IL17D: variants seen among roughly 807,000 people sequenced by gnomAD.
The protein encoded by IL17D is interleukin-17D.
Under a neutral mutation model 5.7 loss-of-function variants are expected in IL17D, and 10 were observed. That is an observed-to-expected ratio of 1.75 (90% CI 1.08 to 2.97). IL17D has a LOEUF of 2.97. Ranked by LOEUF, IL17D falls within the 30% of genes most tolerant of loss-of-function variation. The probability of loss-of-function intolerance (pLI) is 0.00; values close to 1 mark genes in which losing one functional copy is unlikely to be tolerated. For missense variants in IL17D, 354 were observed against 292.7 expected, an observed-to-expected ratio of 1.21 and a Z score of -1.53; for synonymous variants, 172 against 141.7, an observed-to-expected ratio of 1.21 and a Z score of -1.52.
At position 20,722,338 on chromosome 13, in the gene IL17D, T is replaced by A. The variant is rs1242675438; in HGVS notation, c.*384T>A. 8 of 210,996 alleles carry A rather than the reference T, an allele frequency of 3.8e-5. No individual in the cohort carries two copies. The highest frequency in any genetic ancestry group is 5.6e-5 in the Non-Finnish European group (6 of 107,628). The allele number at this position is 210,996 out of a possible 1,614,324, so 13.1% of individuals were successfully genotyped here. A position where few individuals can be genotyped will look rare whatever the true frequency, so the allele number is the denominator to read the frequency against. ...AAAGAGATAGGGACGCATATGCTTTTTAAAGCAATCTAAAAATAATAATAA... is the reference window on the plus strand; with the variant it reads ...AAAGAGATAGGGACGCATATGCTTTATAAAGCAATCTAAAAATAATAATAA... On this transcript the variant is annotated 3_prime_UTR_variant, in exon 2 of 2. Transcript: ENST00000682841.
chr13:20,717,002 G>C (rs2058683144), intron 1 of IL17D: 1 of 152,234 alleles, frequency 6.6e-6, no homozygotes, highest in Non-Finnish European at 1.5e-5. Context: ...ATTGTTTTCA[G>C]AGCTCCGGAG....
At chr13:20,710,798 TTTC>T (rs1389940680) in intron 1 of IL17D, among the ~76,000 whole-genome samples, 1 of 152,188 alleles carries the variant, frequency 6.6e-6, no homozygotes, top group Non-Finnish European at 1.5e-5. Flanking sequence ...GCCTTGTTAC[TTTC>T]TTCTTTAACT....
At position 20,710,089 on chromosome 13, in the gene IL17D, A is replaced by C. The variant is rs1260977087; in HGVS notation, c.290+5798A>C. On this transcript the variant is annotated intron_variant, in intron 1 of 1. Transcript: ENST00000682841. ...GTTCCGTCTAGCCCAAGTCCCACCC[A>C]GTGTGCTGTTAGAAAACAACATTCA... Among the ~76,000 whole-genome samples the C allele has an allele frequency of 2.0e-5, 3 of 152,216 alleles. No homozygotes were observed. The East Asian group carries it at 5.8e-4, about 29-fold the overall frequency.
chr13:20,718,547 TCA>T (rs1260988832), intron 1 of IL17D, among the ~76,000 whole-genome samples: 1 of 82,322 alleles, frequency 1.2e-5, no homozygotes, highest in Non-Finnish European at 2.2e-5. Context: ...CCGCCCATGC[TCA>T]CACACCCACA....
At chr13:20,702,666 A>T (rs1292978191), upstream of IL17D, 2 of 152,216 alleles carry the variant, frequency 1.3e-5, no homozygotes, top group African/African-American at 4.8e-5. Flanking sequence ...GCTTGCACTT[A>T]GAACTGAGTT....
In IL17D at chr13:20,709,222, G is replaced by A. The variant is rs373616334; in HGVS notation, c.290+4931G>A. ...AAAGGCATTCTCATCCAAGTACAGG[G>A]GTATGAATCAGCACAGCTTTTATGG... On this transcript the variant is annotated intron_variant, in intron 1 of 1. Transcript: ENST00000682841. Among the ~76,000 whole-genome samples, 153 of 151,694 alleles carry A rather than the reference G, an allele frequency of 1.0e-3. 1 individual carries two copies. In the Middle Eastern group the frequency reaches 0.014, roughly 13 times the overall value.
At chr13:20,703,520 G>A, upstream of IL17D, 3 of 753,482 alleles carry the variant, frequency 4.0e-6, no homozygotes, top group African/African-American at 1.9e-5. Flanking sequence ...TGGGGCGGGC[G>A]GATGACGAGG....
upstream of IL17D, chr13:20,703,386 T>C (rs949763481): frequency 1.0e-6 from 1 of 986,050 alleles, no homozygotes; most frequent in Non-Finnish European, 1.2e-6. Flanking sequence ...AGAGTCGCTC[T>C]GTGTCCGTGA....
intron 1 of IL17D, among the ~76,000 whole-genome samples, chr13:20,709,468 A>G (rs183537572): frequency 1.3e-5 from 2 of 152,234 alleles, no homozygotes; most frequent in African/African-American, 4.8e-5. Context: ...TCTAAAAGTC[A>G]TAAGTGGATC....
At chr13:20,707,670 AC>A (rs2141383234) in intron 1 of IL17D, among the ~76,000 whole-genome samples, 2 of 152,164 alleles carry the variant, frequency 1.3e-5, no homozygotes, top group South Asian at 4.2e-4. Flanking sequence ...ACAGGTGCGC[AC>A]CACCACATGC....
upstream of IL17D, chr13:20,701,806 T>G (rs1308853079): frequency 6.6e-6 from 1 of 152,246 alleles, no homozygotes; most frequent in Non-Finnish European, 1.5e-5. Context: ...CTCACAAATA[T>G]CAAATTTGTT....
Position 20,704,069 on chromosome 13 carries a change from G to A in IL17D, c.68G>A (p.Arg23Lys). 9.1e-7 allele frequency: 1 copy of A among 1,099,500 alleles called. No homozygotes were observed. Among genetic ancestry groups the A allele is most frequent in the African/African-American group, 1.7e-5 (1 of 58,588 alleles). 68.1% of individuals were successfully genotyped at this position (1,099,500 alleles called of 1,614,324 possible). Residue 23 changes from arginine (R) to lysine (K), a missense_variant, in exon 1 of 2, where the codon AGG becomes AAG. Coordinates refer to ENST00000682841, the MANE Select transcript of IL17D (RefSeq NM_001385224.1). ...GCCGCGGGCGCCCCGAGGGCGGGCA[G>A]GCGCCCCGCGCGGCCGCGGGGCTGC... The part of the protein sequence containing the change: ...SWAAGAPRAG[R>K]RPARPRGCAD...
At chr13:20,715,455 T>A (rs1375296509) in intron 1 of IL17D, among the ~76,000 whole-genome samples, 1 of 152,176 alleles carries the variant, frequency 6.6e-6, no homozygotes, top group Non-Finnish European at 1.5e-5. Context: ...CATCCAGTTG[T>A]TTGCCATCAG....
At chr13:20,718,569 C>T (rs1446781917) in intron 1 of IL17D, among the ~76,000 whole-genome samples, 3 of 142,172 alleles carry the variant, frequency 2.1e-5, no homozygotes, top group Non-Finnish European at 4.6e-5. Context: ...ACATACCTGC[C>T]CATGCTCACA....
chr13:20,703,586 G>C (rs1038420129), upstream of IL17D: 1 of 237,502 alleles, frequency 4.2e-6, no homozygotes, highest in African/African-American at 2.3e-5. Flanking sequence ...TAGGCTCCGG[G>C]GCTCCCTCGC....
At chr13:20,710,873 GA>G (rs1260344322) in intron 1 of IL17D, among the ~76,000 whole-genome samples, 1 of 152,102 alleles carries the variant, frequency 6.6e-6, no homozygotes, top group East Asian at 1.9e-4. Flanking sequence ...CAACTCTATG[GA>G]TAGCTGTAGT....
Position 20,704,260 on chromosome 13 carries a change from AAC to A in IL17D, c.260_261del (p.Asn87ThrfsTer24), listed in dbSNP as rs1310556743. ...PADRRFRPPT[N>X]LRSVSPWAYR... ...CGACCGCCGCTTCCGGCCGCCCACC[AAC>A]CTGCGCAGCGTGTCGCCCTGGGCCT... is the stretch of plus-strand genomic sequence containing the variant. On this transcript the variant is annotated frameshift_variant, in exon 1 of 2. Coordinates refer to ENST00000682841, the MANE Select transcript of IL17D (RefSeq NM_001385224.1). LOFTEE classifies it high-confidence loss of function. 7.0e-6 allele frequency: 9 copies of A among 1,284,596 alleles called. No homozygotes were observed. The highest frequency in any genetic ancestry group is 4.0e-5 in the Admixed American group (1 of 25,258). 79.6% of individuals were successfully genotyped at this position (1,284,596 alleles called of 1,614,324 possible).
At chr13:20,705,306 G>A (rs1293084851) in intron 1 of IL17D, among the ~76,000 whole-genome samples, 2 of 150,820 alleles carry the variant, frequency 1.3e-5, no homozygotes, top group Non-Finnish European at 1.5e-5. Context: ...GCCACAAGGC[G>A]AGCGGGGGCG....
At position 20,721,790 on chromosome 13, in the gene IL17D, T is replaced by G; in HGVS notation, c.445T>G (p.Cys149Gly). 1 of 1,609,588 alleles carries G rather than the reference T, an allele frequency of 6.2e-7. No individual in the cohort carries two copies. The highest frequency in any genetic ancestry group is 8.5e-7 in the Non-Finnish European group (1 of 1,179,696). ...PTVVLRRTPA[C>G]AGGRSVYTEA... Reference sequence around the variant, plus strand: ...CGTCGTCCTGCGCCGCACCCCCGCCTGCGCCGGCGGCCGTTCCGTCTACAC... The same window carrying G: ...CGTCGTCCTGCGCCGCACCCCCGCCGGCGCCGGCGGCCGTTCCGTCTACAC... The change falls in exon 2 of 2, where the codon TGC (cysteine) becomes GGC (glycine). Residue 149 changes from cysteine (C) to glycine (G), a missense_variant. Coordinates refer to ENST00000682841, the MANE Select transcript of IL17D (RefSeq NM_001385224.1).
Sources: gnomAD v4.1 joint callset for allele counts (sites outside exome capture counted in the v4.1 genomes callset) on GRCh38, gnomAD v4.1.1 for gene constraint, MANE v1.5 for transcripts, NCBI Gene and HGNC (gene_info 2026-07-23, HGNC 2026-07-21) for gene names.